The following RAB6A variants were observed in gnomAD, a reference collection of about 807,000 sequenced individuals.
The protein encoded by RAB6A is ras-related protein Rab-6A.
Under a neutral mutation model 32.3 loss-of-function variants are expected in RAB6A, and 8 were observed. That is an observed-to-expected ratio of 0.25 (90% CI 0.15 to 0.45). The LOEUF (loss-of-function observed/expected upper bound fraction) is 0.45, where lower values mean the gene tolerates loss of function less well. RAB6A is among the 20% of genes least tolerant of loss of function. RAB6A has a pLI of 1.00. For missense variants in RAB6A, 104 were observed against 249.4 expected (o/e 0.42, Z 3.93); for synonymous variants, 73 against 82.1 (o/e 0.89, Z 0.60).
At chr11:73,695,032 TA>T (rs1188418574) in intron 6 of RAB6A, among the ~76,000 whole-genome samples, 1 of 151,894 alleles carries the variant, frequency 6.6e-6, no homozygotes, top group Non-Finnish European at 1.5e-5. Flanking sequence ...AAAAAAAAAT[TA>T]AAAATAAAAA....
At chr11:73,753,077 G>A (rs1318045929) in intron 1 of RAB6A, among the ~76,000 whole-genome samples, 1 of 151,964 alleles carries the variant, frequency 6.6e-6, no homozygotes, top group African/African-American at 2.4e-5. Context: ...GCAAGACCTC[G>A]TTTGCTAAAA....
Position 73,752,284 on chromosome 11 carries a change from C to T in RAB6A, c.70+8282G>A, listed in dbSNP as rs372100327. 3.0e-4 allele frequency among the ~76,000 whole-genome samples: 45 copies of T among 152,230 alleles called. 1 individual carries two copies. Among genetic ancestry groups the T allele is most frequent in the African/African-American group, 9.4e-4 (39 of 41,548 alleles). On this transcript the variant is annotated intron_variant, in intron 1 of 7. Coordinates refer to ENST00000336083, the MANE Select transcript of RAB6A (RefSeq NM_198896.2). ...ACCAGTCTGACAAACAGTGAAATCA[C>T]GTCTCTACTAAAAATACAAAAATTA...
chr11:73,718,013 C>T (rs1946076633), intron 4 of RAB6A, among the ~76,000 whole-genome samples: 1 of 152,126 alleles, frequency 6.6e-6, no homozygotes, highest in Admixed American at 6.5e-5. Context: ...GTTGTTTCAC[C>T]TCCTATTTAA....
chr11:73,760,017 T>C (rs1301271005), intron 1 of RAB6A: 12 of 1,288,266 alleles, frequency 9.3e-6, no homozygotes, highest in Non-Finnish European at 1.1e-5. Flanking sequence ...GTGAAAATCA[T>C]TTAATTTTTT....
chr11:73,683,887 G>A (rs1381922757), intron 6 of RAB6A, among the ~76,000 whole-genome samples: 1 of 152,064 alleles, frequency 6.6e-6, no homozygotes, highest in Non-Finnish European at 1.5e-5. Flanking sequence ...TCTACTATGG[G>A]TAAAATACTA....
chr11:73,727,239 T>C (rs184191616), intron 2 of RAB6A, among the ~76,000 whole-genome samples: 3 of 151,806 alleles, frequency 2.0e-5, no homozygotes, highest in Non-Finnish European at 4.4e-5. Flanking sequence ...TTAGGCAAGA[T>C]GGCAAAAACC....
At chr11:73,734,664 CACT>C (rs1180190277) in intron 1 of RAB6A, among the ~76,000 whole-genome samples, 1 of 152,148 alleles carries the variant, frequency 6.6e-6, no homozygotes, top group Non-Finnish European at 1.5e-5. Flanking sequence ...ATGCACAGTT[CACT>C]ATAGGGTTCT....
In RAB6A at chr11:73,726,678, G is replaced by C. The variant is rs961369856; in HGVS notation, c.129+4087C>G. On this transcript the variant is annotated intron_variant, in intron 2 of 7. Transcript: ENST00000336083. ...GTGGGAGAATCGCTTGAGCCTGGGG[G>C]GATGGAGGCTGCAGTGAGTCAAGAT... is the stretch of plus-strand genomic sequence containing the variant. Among the ~76,000 whole-genome samples the C allele has an allele frequency of 1.2e-4, 18 of 147,032 alleles. No individual in the cohort carries two copies. In the East Asian group the frequency reaches 1.8e-3, roughly 15 times the overall value.
intron 5 of RAB6A, among the ~76,000 whole-genome samples, chr11:73,711,622 T>C (rs775516064): frequency 1.2e-4 from 18 of 152,234 alleles, no homozygotes; most frequent in Non-Finnish European, 2.1e-4. Flanking sequence ...CTTACCAGTG[T>C]ATCTTGAGGA....
Position 73,676,116 on chromosome 11 carries a change from T to C in RAB6A, c.*1782A>G, listed in dbSNP as rs1285165396. 2 of 167,004 alleles carry C rather than the reference T, an allele frequency of 1.2e-5. No individual in the cohort carries two copies. Among genetic ancestry groups the C allele is most frequent in the East Asian group, 3.8e-4 (2 of 5,206 alleles). The allele number at this position is 167,004 out of a possible 1,614,324, so 10.3% of individuals were successfully genotyped here. On this transcript the variant is annotated 3_prime_UTR_variant, in exon 8 of 8. Coordinates refer to ENST00000336083, the MANE Select transcript of RAB6A (RefSeq NM_198896.2). ...CTGAATATTACAAGGTGACAATAAGTGGGAAGTGGAGGAGGAAGAGGAAAG... is the reference window on the plus strand; with the variant it reads ...CTGAATATTACAAGGTGACAATAAGCGGGAAGTGGAGGAGGAAGAGGAAAG...
chr11:73,714,551 A>G (rs553934475), intron 5 of RAB6A, among the ~76,000 whole-genome samples: 1 of 151,498 alleles, frequency 6.6e-6, no homozygotes, highest in African/African-American at 2.4e-5. Context: ...AATCCCAGCT[A>G]CTCGGGAGGC....
chr11:73,741,030 T>C (rs1201169719), intron 1 of RAB6A, among the ~76,000 whole-genome samples: 1 of 152,200 alleles, frequency 6.6e-6, no homozygotes, highest in Admixed American at 6.5e-5. Flanking sequence ...TAAAAGTGGT[T>C]TCTCCACAAT....
At chr11:73,712,476 G>A (rs770107860) in intron 5 of RAB6A, among the ~76,000 whole-genome samples, 16 of 151,810 alleles carry the variant, frequency 1.1e-4, no homozygotes, top group Non-Finnish European at 2.2e-4. Flanking sequence ...TCAGCCTCCT[G>A]AGGAGCTGGG....
chr11:73,722,303 GTGTATATATA>G (rs1419127498), intron 2 of RAB6A: 77 of 13,898 alleles, frequency 5.5e-3, no homozygotes, highest in African/African-American at 0.016. Flanking sequence ...ATATGTGTGT[GTGTATATATA>G]TATATATATA....
chr11:73,692,788 CAAAAA>C (rs140762210), intron 6 of RAB6A, among the ~76,000 whole-genome samples: 18 of 98,208 alleles, frequency 1.8e-4, no homozygotes, highest in African/African-American at 2.4e-4. Context: ...ACTAAAAATA[CAAAAA>C]AAAAAAAAAA....
intron 6 of RAB6A, among the ~76,000 whole-genome samples, chr11:73,694,516 T>C (rs1945626790): frequency 6.6e-6 from 1 of 152,196 alleles, no homozygotes; most frequent in Admixed American, 6.5e-5. Flanking sequence ...TAAGAAGAAT[T>C]TGTTTTGTAA....
Position 73,720,841 on chromosome 11 carries a change from C to T in RAB6A, c.183+5G>A, listed in dbSNP as rs1946124938. ...AGAAAATTGCACACTGAAAATATTA[C>T]TCACTGTTCGATCCTCCAAGTACAT... On this transcript the variant is annotated splice_donor_5th_base_variant and intron_variant, in intron 3 of 7. Transcript: ENST00000336083. The T allele has an allele frequency of 6.2e-7, 1 of 1,600,636 alleles. No homozygotes were observed. Among genetic ancestry groups the T allele is most frequent in the Admixed American group, 1.7e-5 (1 of 58,622 alleles).
intron 6 of RAB6A, among the ~76,000 whole-genome samples, chr11:73,685,588 G>GAAAGTTTTTTTTTTTTTTTTTTTTTTT (rs1555054176): frequency 2.2e-5 from 2 of 89,584 alleles, no homozygotes; most frequent in Non-Finnish European, 4.1e-5. Context: ...CGCCCGGACT[G>GAAAGTTTTTTTTTTTTTTTTTTTTTTT]AAAGTAGCGA....
intron 1 of RAB6A, among the ~76,000 whole-genome samples, chr11:73,738,288 G>A (rs774095390): frequency 6.6e-5 from 10 of 152,054 alleles, no homozygotes; most frequent in Non-Finnish European, 1.0e-4. Context: ...GATTATGGTC[G>A]TGAGGCACCA....
Sources: allele counts gnomAD v4.1 joint callset (sites outside exome capture counted in the v4.1 genomes callset), GRCh38; gene constraint gnomAD v4.1.1; transcripts MANE v1.5; gene names NCBI Gene and HGNC (gene_info 2026-07-23, HGNC 2026-07-21).